The following TRAPPC9 variants were observed in gnomAD, a reference collection of about 807,000 sequenced individuals.
TRAPPC9 encodes the protein IKK2 binding protein.
In TRAPPC9, 83 loss-of-function variants were observed where a neutral mutation model predicts 124.0. The ratio of observed to expected loss-of-function variants is 0.67; its 90% CI spans 0.56 to 0.80. TRAPPC9 has a LOEUF of 0.80. Among genes scored for constraint, TRAPPC9 ranks in the 30% least tolerant of loss-of-function variants. TRAPPC9 has a pLI of 0.00. For synonymous variants in TRAPPC9, 638 were observed against 617.5 expected (o/e 1.03, Z -0.49); for missense variants, 1,302 against 1,508.3 (o/e 0.86, Z 2.27).
chr8:139,873,795 A>G (rs1043673187), intron 21 of TRAPPC9, among the ~76,000 whole-genome samples: 1 of 152,236 alleles, frequency 6.6e-6, no homozygotes, highest in African/African-American at 2.4e-5. Context: ...TTTTCTCCAG[A>G]GACCTGGCTC....
At chr8:140,124,851 G>C (rs2061055522) in intron 17 of TRAPPC9, among the ~76,000 whole-genome samples, 1 of 152,338 alleles carries the variant, frequency 6.6e-6, no homozygotes, top group Admixed American at 6.5e-5. Flanking sequence ...TGGGAGAAAA[G>C]AGACTTATTT....
intron 21 of TRAPPC9, among the ~76,000 whole-genome samples, chr8:139,862,349 T>C (rs549652629): frequency 1.5e-3 from 222 of 152,370 alleles, no homozygotes; most frequent in African/African-American, 5.0e-3. Context: ...GGAACACTGA[T>C]GTCTCAGAGA....
intron 19 of TRAPPC9, among the ~76,000 whole-genome samples, chr8:139,966,144 A>T (rs1835692352): frequency 6.6e-6 from 1 of 152,248 alleles, no homozygotes; most frequent in South Asian, 2.1e-4. Flanking sequence ...TGGGGGCAGA[A>T]CAGACAAGGC....
intron 17 of TRAPPC9, among the ~76,000 whole-genome samples, chr8:140,130,732 T>C (rs1438417275): frequency 1.3e-5 from 2 of 152,096 alleles, no homozygotes; most frequent in East Asian, 1.9e-4. Flanking sequence ...TGTGTGTTGT[T>C]TGGAAACACA....
intron 8 of TRAPPC9, 27 bp from the exon 9 acceptor site, chr8:140,360,220 A>G (rs2067907295): frequency 1.2e-6 from 2 of 1,613,910 alleles, no homozygotes; most frequent in African/African-American, 2.7e-5. Context: ...AAAACATCAC[A>G]AAAGTGCTTG....
intron 8 of TRAPPC9, among the ~76,000 whole-genome samples, chr8:140,370,653 C>T (rs1445030179): frequency 6.6e-6 from 1 of 152,218 alleles, no homozygotes; most frequent in African/African-American, 2.4e-5. Context: ...GCTAAACTAA[C>T]TAAATCTCAT....
intron 9 of TRAPPC9, among the ~76,000 whole-genome samples, chr8:140,342,551 A>G (rs1280440775): frequency 6.6e-6 from 1 of 152,222 alleles, no homozygotes; most frequent in Non-Finnish European, 1.5e-5. Flanking sequence ...TGAACAAACA[A>G]AAGGGATTGC....
At chr8:140,398,596 G>A (rs1057436733) in intron 6 of TRAPPC9, among the ~76,000 whole-genome samples, 3 of 152,304 alleles carry the variant, frequency 2.0e-5, no homozygotes, top group Non-Finnish European at 4.4e-5. Flanking sequence ...GAGATTTGTG[G>A]AACTCTGAAC....
intron 20 of TRAPPC9, among the ~76,000 whole-genome samples, chr8:139,889,007 G>A (rs1830179689): frequency 6.6e-6 from 1 of 152,204 alleles, no homozygotes; most frequent in Non-Finnish European, 1.5e-5. Flanking sequence ...CACGTTCACT[G>A]CAGTGATCTT....
intron 21 of TRAPPC9, among the ~76,000 whole-genome samples, chr8:139,790,567 C>G (rs567430478): frequency 1.3e-5 from 2 of 152,334 alleles, no homozygotes; most frequent in East Asian, 3.9e-4. Context: ...TGGGGAGACA[C>G]TTGGCGGAGC....
Position 140,013,571 on chromosome 8 carries a change from T to C in TRAPPC9, c.2699+10366A>G, listed in dbSNP as rs987999169. Among the ~76,000 whole-genome samples the C allele has an allele frequency of 7.2e-5, 11 of 152,222 alleles. No homozygotes were observed. The South Asian group carries it at 1.9e-3, about 26-fold the overall frequency. On this transcript the variant is annotated intron_variant, in intron 18 of 22. Coordinates refer to ENST00000438773, the MANE Select transcript of TRAPPC9 (RefSeq NM_001160372.4). Reference sequence around the variant, plus strand: ...GTGGCTGCCTTCAGAGAGCTGACCATAGGTGAAAGGGAGGCCAACAAAGGC... The same window carrying C: ...GTGGCTGCCTTCAGAGAGCTGACCACAGGTGAAAGGGAGGCCAACAAAGGC...
chr8:139,917,347 A>AT (rs1832219380), intron 19 of TRAPPC9, among the ~76,000 whole-genome samples: 1 of 151,268 alleles, frequency 6.6e-6, no homozygotes, highest in African/African-American at 2.4e-5. Context: ...TGCCAGGCTA[A>AT]TTTTTTCTAT....
intron 21 of TRAPPC9, among the ~76,000 whole-genome samples, chr8:139,830,382 C>T (rs752324909): frequency 2.6e-5 from 4 of 152,102 alleles, no homozygotes; most frequent in Non-Finnish European, 4.4e-5. Context: ...CATACACACA[C>T]ATGCATACAC....
intron 5 of TRAPPC9, among the ~76,000 whole-genome samples, chr8:140,420,974 C>T (rs764697242): frequency 2.0e-5 from 3 of 152,150 alleles, no homozygotes; most frequent in Non-Finnish European, 2.9e-5. Flanking sequence ...ATGTGGATCA[C>T]GCCTAAATTC....
intron 21 of TRAPPC9, among the ~76,000 whole-genome samples, chr8:139,784,646 A>ATATATATATATATATATAT (rs1290029459): frequency 6.3e-5 from 5 of 79,272 alleles, no homozygotes; most frequent in Non-Finnish European, 6.2e-5. Context: ...TATATATATA[A>ATATATATATATATATATAT]ATCAACTGCA....
intron 18 of TRAPPC9, 87 bp from the exon 19 acceptor site, chr8:139,988,923 A>G (rs577758334): frequency 1.1e-6 from 1 of 921,958 alleles, no homozygotes; most frequent in Non-Finnish European, 1.7e-6. Flanking sequence ...AAGACTTCCC[A>G]CCACTTAAGA....
chr8:139,753,092 C>CCAT (rs1819460076), intron 21 of TRAPPC9, among the ~76,000 whole-genome samples: 1 of 145,742 alleles, frequency 6.9e-6, no homozygotes, highest in Non-Finnish European at 1.5e-5. Flanking sequence ...ATCCATCCAT[C>CCAT]CAACATCTAC....
At chr8:140,072,251 G>C (rs1338295502) in intron 17 of TRAPPC9, among the ~76,000 whole-genome samples, 2 of 152,148 alleles carry the variant, frequency 1.3e-5, no homozygotes, top group African/African-American at 2.4e-5. Context: ...AAATGAAGAG[G>C]CAGCCGGGCA....
rs534668530 is a variant in TRAPPC9, at chr8:139,861,369, G to C, written c.3055+24510C>G. 1.2e-4 allele frequency among the ~76,000 whole-genome samples: 18 copies of C among 152,286 alleles called. No homozygotes were observed. The South Asian group carries it at 3.7e-3, about 32-fold the overall frequency. On this transcript the variant is annotated intron_variant, in intron 21 of 22. Coordinates refer to ENST00000438773, the MANE Select transcript of TRAPPC9 (RefSeq NM_001160372.4). Reference sequence around the variant, plus strand: ...CCGGGGTATGAGCCAGAGTGGTGGGGTGAGTAGTCTGGTGGGAAGGACACT... The same window carrying C: ...CCGGGGTATGAGCCAGAGTGGTGGGCTGAGTAGTCTGGTGGGAAGGACACT...
Sources: allele counts gnomAD v4.1 joint callset (sites outside exome capture counted in the v4.1 genomes callset), GRCh38; gene constraint gnomAD v4.1.1; transcripts MANE v1.5; gene names NCBI Gene and HGNC (gene_info 2026-07-23, HGNC 2026-07-21).